Variants in PKIB observed in about 807,000 individuals in gnomAD.
PKIB encodes the protein cAMP-dependent protein kinase inhibitor beta.
A neutral mutation model predicts 4.5 loss-of-function variants in PKIB; 2 were observed. The observed-to-expected ratio is 0.44, with a 90% confidence interval of 0.18 to 1.39. The LOEUF (loss-of-function observed/expected upper bound fraction) is 1.39. Ranked by LOEUF, PKIB falls within the 40% of genes most tolerant of loss-of-function variation. The pLI is 0.27. For missense variants in PKIB, 94 were observed against 92.6 expected, an observed-to-expected ratio of 1.02 and a Z score of -0.06; for synonymous variants, 38 against 36.0, an observed-to-expected ratio of 1.06 and a Z score of -0.20.
chr6:122,716,180 A>G (rs1322950015), intron 3 of PKIB, among the ~76,000 whole-genome samples: 1 of 152,328 alleles, frequency 6.6e-6, no homozygotes, highest in East Asian at 1.9e-4. Context: ...GCCAACAATC[A>G]GACATATACC....
rs35364615 is a variant in PKIB at position 122,721,802 on chromosome 6, CATAT to C, written c.170-3311_170-3308del. Among the ~76,000 whole-genome samples, 118 of 149,002 alleles carry C rather than the reference CATAT, an allele frequency of 7.9e-4. 2 individuals are homozygous for C. Among genetic ancestry groups the C allele is most frequent in the Middle Eastern group, 3.5e-3 (1 of 284 alleles). On this transcript the variant is annotated intron_variant, in intron 4 of 4. Transcript: ENST00000368452. ...ATTTATATAAAGTAACATGTTACTA[CATAT>C]ATATATATATATATGAGAAATGTTT...
chr6:122,674,558 C>T (rs1208732303), intron 2 of PKIB, among the ~76,000 whole-genome samples: 1 of 152,116 alleles, frequency 6.6e-6, no homozygotes, highest in African/African-American at 2.4e-5. Context: ...TTTCCAAGAG[C>T]AAGATGGTTC....
chr6:122,725,234 T>C lies in PKIB; in HGVS notation c.*39T>C, dbSNP rs1582851767. 6.6e-7 allele frequency: 1 copy of C among 1,516,976 alleles called. No homozygotes were observed. Among genetic ancestry groups the C allele is most frequent in the Middle Eastern group, 1.7e-4 (1 of 5,812 alleles). 94.0% of individuals were successfully genotyped at this position (1,516,976 alleles called of 1,614,324 possible). A position where few individuals can be genotyped will look rare whatever the true frequency, so the allele number is the denominator to read the frequency against. ...ATCAAGAGTGCTGAATTTCTGCATGTTGAAAGACTTAGTGGTTCTGTTTTC... is the reference window on the plus strand; with the variant it reads ...ATCAAGAGTGCTGAATTTCTGCATGCTGAAAGACTTAGTGGTTCTGTTTTC... On this transcript the variant is annotated 3_prime_UTR_variant, in exon 5 of 5. Transcript: ENST00000368452.
rs367636554 is a variant in PKIB, at chr6:122,647,824, A to G, written c.-76+14457A>G. On this transcript the variant is annotated intron_variant, in intron 2 of 4. Coordinates refer to ENST00000368452, the MANE Select transcript of PKIB (RefSeq NM_181795.3). ...TTATGATTCCCTTCTTCCATTACCCATTTCATAATTCTCTGCTCTTAAGCA... is the reference window on the plus strand; with the variant it reads ...TTATGATTCCCTTCTTCCATTACCCGTTTCATAATTCTCTGCTCTTAAGCA... 3.7e-3 allele frequency among the ~76,000 whole-genome samples: 561 copies of G among 152,292 alleles called. 30 individuals are homozygous for G. The South Asian group carries it at 0.11, about 29-fold the overall frequency.
chr6:122,711,309 C>A (rs1779265347), intron 3 of PKIB, among the ~76,000 whole-genome samples: 1 of 152,090 alleles, frequency 6.6e-6, no homozygotes, highest in Admixed American at 6.6e-5. Flanking sequence ...TTACGGAAAG[C>A]AGCAGGAGGA....
chr6:122,604,690 C>A (rs185068352), intron 3 of PKIB, among the ~76,000 whole-genome samples: 2 of 152,204 alleles, frequency 1.3e-5, no homozygotes, highest in African/African-American at 2.4e-5. Flanking sequence ...CTTAGTTCTT[C>A]ATCTTCCCTT....
chr6:122,544,252 C>A (rs969052042), intron 2 of PKIB, among the ~76,000 whole-genome samples: 1 of 151,846 alleles, frequency 6.6e-6, no homozygotes, highest in African/African-American at 2.4e-5. Flanking sequence ...GATATTAAAG[C>A]ATTCAAACTA....
chr6:122,551,393 T>C (rs112102086), intron 2 of PKIB, among the ~76,000 whole-genome samples: 1,887 of 152,304 alleles, frequency 0.012, 48 homozygotes, highest in African/African-American at 0.042. Flanking sequence ...CTCTCTGCCA[T>C]TATGCTTTTA....
At chr6:122,553,633 A>C (rs918668017) in intron 2 of PKIB, among the ~76,000 whole-genome samples, 29 of 151,620 alleles carry the variant, frequency 1.9e-4, no homozygotes, top group African/African-American at 5.1e-4. Context: ...CCTTCTTTAT[A>C]TTACCAGATC....
At chr6:122,511,922 T>C (rs113776648) in intron 2 of PKIB, among the ~76,000 whole-genome samples, 1 of 152,202 alleles carries the variant, frequency 6.6e-6, no homozygotes. Context: ...GTGTCTTTTT[T>C]TCTTGAACAC....
intron 1 of PKIB, among the ~76,000 whole-genome samples, chr6:122,628,101 A>G (rs1236572580): frequency 1.3e-5 from 2 of 151,592 alleles, no homozygotes; most frequent in Admixed American, 1.3e-4. Flanking sequence ...CAATGGCGCA[A>G]TCTTGGCTCA....
intron 2 of PKIB, among the ~76,000 whole-genome samples, chr6:122,543,871 A>G (rs893323900): frequency 6.6e-6 from 1 of 152,084 alleles, no homozygotes; most frequent in African/African-American, 2.4e-5. Context: ...AAACTCATAT[A>G]TGGTTAATCC....
chr6:122,684,704 T>C (rs995655271), intron 3 of PKIB, among the ~76,000 whole-genome samples: 26 of 152,186 alleles, frequency 1.7e-4, no homozygotes, highest in African/African-American at 6.0e-4. Context: ...CCGGCTTTTT[T>C]GTTTTTAGTT....
intron 2 of PKIB, among the ~76,000 whole-genome samples, chr6:122,499,497 A>G (rs1219864700): frequency 6.6e-6 from 1 of 152,210 alleles, no homozygotes; most frequent in Non-Finnish European, 1.5e-5. Context: ...AAATCTCTTG[A>G]TAAAATCCAG....
chr6:122,490,533 G>A (rs1385715549), intron 2 of PKIB, among the ~76,000 whole-genome samples: 2 of 152,094 alleles, frequency 1.3e-5, no homozygotes, highest in Non-Finnish European at 2.9e-5. Context: ...TCCTCTCGGT[G>A]ATGAGTGAGT....
intron 2 of PKIB, among the ~76,000 whole-genome samples, chr6:122,542,796 T>C (rs1777647880): frequency 6.6e-6 from 1 of 152,132 alleles, no homozygotes; most frequent in Non-Finnish European, 1.5e-5. Context: ...TTTTTGTTTG[T>C]CTGTGCCCTG....
chr6:122,717,673 TG>T, intron 3 of PKIB, 113 bp from the exon 4 acceptor site: 1 of 989,140 alleles, frequency 1.0e-6, no homozygotes, highest in South Asian at 1.5e-5. Flanking sequence ...TTGTGATCAA[TG>T]ATTAGACTCT....
chr6:122,622,760 C>G (rs1164216768), intron 1 of PKIB, among the ~76,000 whole-genome samples: 3 of 149,002 alleles, frequency 2.0e-5, no homozygotes, highest in East Asian at 1.9e-4. Flanking sequence ...TGCCAAACAT[C>G]CCCACAGGCA....
chr6:122,685,235 T>C (rs867765321), intron 3 of PKIB, among the ~76,000 whole-genome samples: 1 of 152,146 alleles, frequency 6.6e-6, no homozygotes, highest in Non-Finnish European at 1.5e-5. Context: ...AGACTAAAAA[T>C]TCTATTGGCA....
Sources: allele counts gnomAD v4.1 joint callset (sites outside exome capture counted in the v4.1 genomes callset), GRCh38; gene constraint gnomAD v4.1.1; transcripts MANE v1.5; gene names NCBI Gene and HGNC (gene_info 2026-07-23, HGNC 2026-07-21).